Variants in POF1B observed in about 807,000 individuals in gnomAD.
POF1B encodes the protein POF1B actin binding protein, also known as protein POF1B.
In POF1B, 53 loss-of-function variants were observed where a neutral mutation model predicts 55.3. That is an observed-to-expected ratio of 0.96 (90% CI 0.77 to 1.20). The LOEUF (loss-of-function observed/expected upper bound fraction) is 1.20. Among genes scored for constraint, POF1B ranks in the 50% most tolerant of loss-of-function variants. The probability of loss-of-function intolerance (pLI) is 0.00; values close to 1 mark genes in which losing one functional copy is unlikely to be tolerated. For missense variants in POF1B, 478 were observed against 420.5 expected, an observed-to-expected ratio of 1.14 and a Z score of -1.20; for synonymous variants, 188 against 148.3, an observed-to-expected ratio of 1.27 and a Z score of -1.95.
chrX:85,315,839 G>C (rs1824695451), intron 7 of POF1B, 105 bp from the exon 8 acceptor site: 2 of 603,494 alleles, frequency 3.3e-6, no homozygotes, highest in Non-Finnish European at 4.7e-6. Context: ...TGAAATATAA[G>C]AGGACTTATT....
intron 10 of POF1B, 143 bp from the exon 11 acceptor site, chrX:85,307,419 A>C (rs1050513519): frequency 2.5e-6 from 1 of 405,310 alleles, no homozygotes; most frequent in Admixed American, 4.7e-5. Flanking sequence ...CTTAAAAGTT[A>C]AGAAAATACG....
At chrX:85,363,273 C>A (rs1325273573) in intron 3 of POF1B, among the ~76,000 whole-genome samples, 1 of 110,494 alleles carries the variant, frequency 9.1e-6, no homozygotes, top group African/African-American at 3.3e-5. Flanking sequence ...TTGGTTATTT[C>A]TTGTCTTCTG....
chrX:85,355,297 A>C (rs950949464), intron 4 of POF1B, among the ~76,000 whole-genome samples: 1 of 112,066 alleles, frequency 8.9e-6, no homozygotes, highest in African/African-American at 3.2e-5. Context: ...CACCTTATAC[A>C]AAAATTAATT....
chrX:85,305,708 G>A lies in POF1B; in HGVS notation c.1437+83C>T, dbSNP rs144478754. 551 of 1,047,930 alleles carry A rather than the reference G, an allele frequency of 5.3e-4. 1 individual carries two copies. In the East Asian group the frequency reaches 0.018, roughly 33 times the overall value. The allele number at this position is 1,047,930 out of a possible 1,213,427, so 86.4% of individuals were successfully genotyped here. ...CTCTACCTTCAGCTAATTTTTTCTGGTAGCTTTAAACTTGAAGCCATCATT... is the reference window on the plus strand; with the variant it reads ...CTCTACCTTCAGCTAATTTTTTCTGATAGCTTTAAACTTGAAGCCATCATT... On this transcript the variant is annotated intron_variant, in intron 13 of 16. Coordinates refer to ENST00000262753, the MANE Select transcript of POF1B (RefSeq NM_024921.4).
intron 15 of POF1B, among the ~76,000 whole-genome samples, chrX:85,286,873 C>T (rs1480747157): frequency 9.0e-6 from 1 of 110,879 alleles, no homozygotes; most frequent in Non-Finnish European, 1.9e-5. Context: ...ATAAACAAAT[C>T]CACAATCAGA....
intron 6 of POF1B, among the ~76,000 whole-genome samples, chrX:85,334,165 A>G (rs1355424586): frequency 9.0e-6 from 1 of 110,985 alleles, no homozygotes; most frequent in Non-Finnish European, 1.9e-5. Flanking sequence ...GCTCAAAGCT[A>G]TCTTTTTTGT....
chrX:85,291,245 G>A (rs895584109), intron 15 of POF1B, among the ~76,000 whole-genome samples: 1 of 111,487 alleles, frequency 9.0e-6, no homozygotes, highest in Non-Finnish European at 1.9e-5. Context: ...GATTGTTATA[G>A]GTGTCTGGCC....
chrX:85,299,338 G>A (rs1932387393), intron 15 of POF1B, among the ~76,000 whole-genome samples: 1 of 102,901 alleles, frequency 9.7e-6, no homozygotes, highest in Admixed American at 1.0e-4. Flanking sequence ...GCCCAGGCTG[G>A]AGTGCAGTGG....
At chrX:85,356,002 A>C (rs1490723888) in intron 4 of POF1B, among the ~76,000 whole-genome samples, 4 of 111,644 alleles carry the variant, frequency 3.6e-5, no homozygotes, top group Non-Finnish European at 7.5e-5. Flanking sequence ...ATAAAGACAC[A>C]TGCACACATA....
At chrX:85,371,323 G>T (rs939236124) in intron 2 of POF1B, among the ~76,000 whole-genome samples, 2 of 111,865 alleles carry the variant, frequency 1.8e-5, no homozygotes, top group Non-Finnish European at 3.8e-5. Context: ...AAACTTGTCA[G>T]TATTGTTTTC....
intron 15 of POF1B, among the ~76,000 whole-genome samples, chrX:85,283,345 A>T (rs1036162574): frequency 2.7e-5 from 3 of 110,782 alleles, no homozygotes; most frequent in African/African-American, 9.8e-5. Flanking sequence ...TATACAAGGT[A>T]TATTCAAGAA....
intron 7 of POF1B, among the ~76,000 whole-genome samples, chrX:85,322,313 T>A (rs1932846797): frequency 1.8e-5 from 2 of 111,012 alleles, no homozygotes; most frequent in Admixed American, 9.6e-5. Flanking sequence ...ATCTGATCTT[T>A]GACAAACCTG....
At chrX:85,290,713 A>G (rs1279095795) in intron 15 of POF1B, among the ~76,000 whole-genome samples, 1 of 111,781 alleles carries the variant, frequency 8.9e-6, no homozygotes, top group Non-Finnish European at 1.9e-5. Context: ...AGTGATGATG[A>G]GCATTTTATT....
At chrX:85,375,069 T>C (rs1217331987) in intron 2 of POF1B, among the ~76,000 whole-genome samples, 1 of 111,438 alleles carries the variant, frequency 9.0e-6, no homozygotes, top group Non-Finnish European at 1.9e-5. Context: ...TCTCTTCTTT[T>C]TCTGAAGAAA....
intron 5 of POF1B, among the ~76,000 whole-genome samples, chrX:85,347,021 A>G (rs1933286904): frequency 9.0e-6 from 1 of 111,029 alleles, no homozygotes; most frequent in African/African-American, 3.3e-5. Context: ...TTGTTTTTAA[A>G]CTAAATCTTT....
intron 14 of POF1B, among the ~76,000 whole-genome samples, chrX:85,303,824 A>G (rs1032165913): frequency 2.3e-4 from 26 of 111,652 alleles, no homozygotes; most frequent in Middle Eastern, 9.2e-3. Flanking sequence ...ATATCCATAG[A>G]AGAAAAGTAT....
At chrX:85,373,515 A>ATAG (rs1430132088) in intron 2 of POF1B, among the ~76,000 whole-genome samples, 1 of 111,742 alleles carries the variant, frequency 8.9e-6, no homozygotes, top group Non-Finnish European at 1.9e-5. Context: ...TTAATATGAA[A>ATAG]TATTATTTTC....
chrX:85,286,726 G>A (rs1471884351), intron 15 of POF1B, among the ~76,000 whole-genome samples: 2 of 111,318 alleles, frequency 1.8e-5, no homozygotes, highest in African/African-American at 6.5e-5. Flanking sequence ...AATGATAAAG[G>A]TGTCAATTCA....
intron 15 of POF1B, among the ~76,000 whole-genome samples, chrX:85,285,000 A>G (rs1932013919): frequency 8.9e-6 from 1 of 112,194 alleles, no homozygotes; most frequent in African/African-American, 3.2e-5. Flanking sequence ...GGCAAAGGAT[A>G]TGAACAGACA....
Sources: allele counts gnomAD v4.1 joint callset (sites outside exome capture counted in the v4.1 genomes callset), GRCh38; gene constraint gnomAD v4.1.1; transcripts MANE v1.5; gene names NCBI Gene and HGNC (gene_info 2026-07-23, HGNC 2026-07-21).